SH2D4A: variants seen among roughly 807,000 people sequenced by gnomAD.
SH2D4A encodes SH2 domain-containing protein 4A.
In SH2D4A, 70 loss-of-function variants were observed where a neutral mutation model predicts 64.7. The observed-to-expected ratio is 1.08, with a 90% CI of 0.89 to 1.32. The LOEUF (loss-of-function observed/expected upper bound fraction) is 1.32. SH2D4A is among the 40% of genes most tolerant of loss of function. The probability of loss-of-function intolerance (pLI) is 0.00; values close to 1 mark genes in which losing one functional copy is unlikely to be tolerated. For missense variants in SH2D4A, 706 were observed against 540.1 expected, an observed-to-expected ratio of 1.31 and a Z score of -3.04; for synonymous variants, 268 against 200.7, an observed-to-expected ratio of 1.34 and a Z score of -2.83.
chr8:19,376,207 G>T (rs1271493771), intron 8 of SH2D4A, among the ~76,000 whole-genome samples: 1 of 152,118 alleles, frequency 6.6e-6, no homozygotes, highest in East Asian at 1.9e-4. Flanking sequence ...CCCCCTGCTG[G>T]CAGCATCCCT....
chr8:19,314,010 C>G, intron 1 of SH2D4A, 187 bp downstream of exon 1: 1 of 1,116,130 alleles, frequency 9.0e-7, no homozygotes, highest in East Asian at 5.2e-5. Flanking sequence ...CGGGGTTGGG[C>G]GGCGAGAGCG....
chr8:19,321,581 A>C (rs1418988636), intron 2 of SH2D4A, among the ~76,000 whole-genome samples: 1 of 152,182 alleles, frequency 6.6e-6, no homozygotes, highest in Admixed American at 6.5e-5. Flanking sequence ...GTTCTGTTGG[A>C]TTTTACATTA....
chr8:19,393,331 C>G lies in SH2D4A; in HGVS notation c.1062C>G (p.Leu354=). The change falls in exon 9 of 10, where the codon CTC becomes CTG. Residue 354 remains leucine (L), a synonymous_variant. Coordinates refer to ENST00000265807, the MANE Select transcript of SH2D4A (RefSeq NM_022071.4). The part of the protein sequence containing the change: ...IAPWFHGILT[L]KKANELLLST... The stretch of plus-strand genomic sequence containing the variant: ...GCTTTGCCACAGGAATTCTCACACT[C>G]AAGAAAGCAAATGAACTTCTTCTGA... 1 of 1,614,184 alleles carries G rather than the reference C, an allele frequency of 6.2e-7. No homozygotes were observed. Among genetic ancestry groups the G allele is most frequent in the Non-Finnish European group, 8.5e-7 (1 of 1,180,020 alleles).
At chr8:19,343,411 C>T (rs531358596) in intron 4 of SH2D4A, among the ~76,000 whole-genome samples, 1 of 151,784 alleles carries the variant, frequency 6.6e-6, no homozygotes, top group Admixed American at 6.6e-5. Context: ...CTAGGCTTGG[C>T]GACAGAGAAA....
chr8:19,334,571 C>A (rs2052414462), intron 3 of SH2D4A, 115 bp from the exon 4 acceptor site: 6 of 1,136,154 alleles, frequency 5.3e-6, no homozygotes, highest in Non-Finnish European at 7.4e-6. Flanking sequence ...TAGAAGCACT[C>A]AGTAAGTGGT....
chr8:19,326,703 G>T (rs952303977), intron 2 of SH2D4A, among the ~76,000 whole-genome samples: 4 of 152,004 alleles, frequency 2.6e-5, no homozygotes, highest in African/African-American at 4.8e-5. Context: ...ATGTGTGCCT[G>T]CCTCTCCCCC....
intron 6 of SH2D4A, 75 bp from the exon 7 acceptor site, chr8:19,363,997 G>A: frequency 7.1e-7 from 1 of 1,415,786 alleles, no homozygotes; most frequent in Non-Finnish European, 9.9e-7. Context: ...GCTGCCCGTT[G>A]TGCAATGAAT....
intron 4 of SH2D4A, among the ~76,000 whole-genome samples, chr8:19,355,546 C>A (rs1171932925): frequency 6.6e-6 from 1 of 152,102 alleles, no homozygotes; most frequent in Non-Finnish European, 1.5e-5. Context: ...ATCTGTTGAC[C>A]CGCATCTCAT....
At chr8:19,338,516 ACT>A (rs1383030876) in intron 4 of SH2D4A, among the ~76,000 whole-genome samples, 1 of 151,954 alleles carries the variant, frequency 6.6e-6, no homozygotes, top group Non-Finnish European at 1.5e-5. Context: ...TAAAGCAGAG[ACT>A]CTTTCCTGGT....
chr8:19,329,317 G>A (rs2052333864), intron 2 of SH2D4A, among the ~76,000 whole-genome samples: 1 of 152,076 alleles, frequency 6.6e-6, no homozygotes, highest in Non-Finnish European at 1.5e-5. Context: ...TGCTGCCCTG[G>A]CCCTCCAGGG....
Position 19,361,489 on chromosome 8 carries a change from G to C in SH2D4A, c.706+175G>C, listed in dbSNP as rs2052887363. Among the ~76,000 whole-genome samples, 3 of 152,090 alleles carry C rather than the reference G, an allele frequency of 2.0e-5. No homozygotes were observed. The South Asian group carries it at 6.2e-4, about 32-fold the overall frequency. ...ACTCAAATGCTTACAGGCTACTTTT[G>C]AACAGCAGACTCGTTCTCCATTTAT... On this transcript the variant is annotated intron_variant, in intron 6 of 9. Coordinates refer to ENST00000265807, the MANE Select transcript of SH2D4A (RefSeq NM_022071.4).
At chr8:19,320,663 A>T (rs1241999310) in intron 2 of SH2D4A, among the ~76,000 whole-genome samples, 1 of 149,662 alleles carries the variant, frequency 6.7e-6, no homozygotes, top group Non-Finnish European at 1.5e-5. Flanking sequence ...AAGCATATAC[A>T]CATACAGACA....
Position 19,332,980 on chromosome 8 carries a change from A to T in SH2D4A, c.207A>T (p.Lys69Asn). The T allele has an allele frequency of 6.2e-7, 1 of 1,612,528 alleles. No homozygotes were observed. The highest frequency in any genetic ancestry group is 2.2e-5 in the East Asian group (1 of 44,846). The change falls in exon 3 of 10, where the codon AAA becomes AAT. Residue 69 changes from lysine to asparagine, a missense_variant. Transcript: ENST00000265807. ...AGAATGGCAAATCGGTTCATTGGAA[A>T]CTTGGAGCTGATAAGGAAGTCTGGG... is the stretch of plus-strand genomic sequence containing the variant. Reference protein sequence around the residue: ...KKENGKSVHWKLGADKEVWVW... With the variant: ...KKENGKSVHWNLGADKEVWVW...
At chr8:19,335,422 A>C (rs1178864399) in intron 4 of SH2D4A, among the ~76,000 whole-genome samples, 1 of 152,196 alleles carries the variant, frequency 6.6e-6, no homozygotes, top group Non-Finnish European at 1.5e-5. Flanking sequence ...GCAATTTGGC[A>C]TTTTAAGATA....
At chr8:19,372,660 C>T (rs777743011) in intron 7 of SH2D4A, among the ~76,000 whole-genome samples, 3 of 152,110 alleles carry the variant, frequency 2.0e-5, no homozygotes, top group South Asian at 2.1e-4. Flanking sequence ...AAAATTAGTA[C>T]GCTGTTGAGT....
At position 19,373,233 on chromosome 8, in the gene SH2D4A, T is replaced by C. The variant is rs532045414; in HGVS notation, c.918-297T>C. Among the ~76,000 whole-genome samples, 3 of 151,780 alleles carry C rather than the reference T, an allele frequency of 2.0e-5. No homozygotes were observed. The South Asian group carries it at 6.2e-4, about 32-fold the overall frequency. Reference sequence around the variant, plus strand: ...CCCTTGAGGAGGTGTATAATGGTAGTGTGTCAGGGCTCCAGCCTCCTGTTA... The same window carrying C: ...CCCTTGAGGAGGTGTATAATGGTAGCGTGTCAGGGCTCCAGCCTCCTGTTA... On this transcript the variant is annotated intron_variant, in intron 7 of 9. Coordinates refer to ENST00000265807, the MANE Select transcript of SH2D4A (RefSeq NM_022071.4).
rs557718155 is a variant in SH2D4A at position 19,343,045 on chromosome 8, T to G, written c.513+8188T>G. ...CTCTCTGCCCTGCACTGCGAGAGGGTTGTATTTGTACTGCTGGACTGGTTA... is the reference window on the plus strand; with the variant it reads ...CTCTCTGCCCTGCACTGCGAGAGGGGTGTATTTGTACTGCTGGACTGGTTA... On this transcript the variant is annotated intron_variant, in intron 4 of 9. Transcript: ENST00000265807. 3.9e-5 allele frequency among the ~76,000 whole-genome samples: 6 copies of G among 152,182 alleles called. No homozygotes were observed. The South Asian group carries it at 1.2e-3, about 32-fold the overall frequency.
intron 2 of SH2D4A, among the ~76,000 whole-genome samples, chr8:19,320,392 C>G (rs1002614154): frequency 6.6e-6 from 1 of 151,670 alleles, no homozygotes; most frequent in Non-Finnish European, 1.5e-5. Context: ...TTTGGGTGGC[C>G]GAGGTAGGAG....
intron 4 of SH2D4A, among the ~76,000 whole-genome samples, chr8:19,342,705 C>T (rs1171769578): frequency 1.3e-5 from 2 of 152,136 alleles, no homozygotes; most frequent in African/African-American, 4.8e-5. Context: ...TATCTGCCCC[C>T]GGGAAGGTAA....
Sources: gnomAD v4.1 joint callset for allele counts (sites outside exome capture counted in the v4.1 genomes callset) on GRCh38, gnomAD v4.1.1 for gene constraint, MANE v1.5 for transcripts, NCBI Gene and HGNC (gene_info 2026-07-23, HGNC 2026-07-21) for gene names.